BMPR2: variants seen among roughly 807,000 people sequenced by gnomAD.
BMPR2 encodes bone morphogenetic protein receptor type 2.
Under a neutral mutation model 100.8 loss-of-function variants are expected in BMPR2, and 29 were observed. That is an observed-to-expected ratio of 0.29 (90% CI 0.21 to 0.39). The LOEUF (loss-of-function observed/expected upper bound fraction) is 0.39. Among genes scored for constraint, BMPR2 ranks in the 10% least tolerant of loss-of-function variants. The pLI, the probability that BMPR2 is intolerant of heterozygous loss-of-function variation, is 1.00. For missense variants in BMPR2, 1,011 were observed against 1,274.5 expected, an observed-to-expected ratio of 0.79 and a Z score of 3.15; for synonymous variants, 382 against 442.3, an observed-to-expected ratio of 0.86 and a Z score of 1.71.
At chr2:202,432,998 A>T (rs1022188715) in intron 1 of BMPR2, among the ~76,000 whole-genome samples, 2 of 150,298 alleles carry the variant, frequency 1.3e-5, no homozygotes, top group African/African-American at 5.0e-5. Flanking sequence ...TAGTAAGGAT[A>T]TTTAAGAGTG....
At position 202,439,640 on chromosome 2, in the gene BMPR2, A is replaced by G. The variant is rs1217306399; in HGVS notation, c.77-25169A>G. Among the ~76,000 whole-genome samples, 7 of 149,302 alleles carry G rather than the reference A, an allele frequency of 4.7e-5. No homozygotes were observed. In the East Asian group the frequency reaches 7.8e-4, roughly 17 times the overall value. On this transcript the variant is annotated intron_variant, in intron 1 of 12. Coordinates refer to ENST00000374580, the MANE Select transcript of BMPR2 (RefSeq NM_001204.7). ...AGGGGAATCTCCAGTACAAGTTTGG[A>G]TAGGTTTGGGGAAGCCAACATTTTT...
chr2:202,377,663 G>A, intron 1 of BMPR2, 113 bp downstream of exon 1: 2 of 1,296,994 alleles, frequency 1.5e-6, no homozygotes, highest in Admixed American at 3.7e-5. Context: ...CCCCGATCGC[G>A]GTGCAGCGGA....
intron 1 of BMPR2, among the ~76,000 whole-genome samples, chr2:202,453,899 T>C (rs1464757290): frequency 6.6e-6 from 1 of 152,172 alleles, no homozygotes; most frequent in Non-Finnish European, 1.5e-5. Context: ...TGTTAACTCA[T>C]TGCATGTCTG....
chr2:202,452,109 A>G (rs1300862045), intron 1 of BMPR2, among the ~76,000 whole-genome samples: 1 of 151,982 alleles, frequency 6.6e-6, no homozygotes, highest in Admixed American at 6.6e-5. Context: ...ACCATACTCA[A>G]CATACAGTAC....
At position 202,555,333 on chromosome 2, in the gene BMPR2, C is replaced by G; in HGVS notation, c.1668C>G (p.Ile556Met). 1 of 1,614,092 alleles carries G rather than the reference C, an allele frequency of 6.2e-7. No individual in the cohort carries two copies. Among genetic ancestry groups the G allele is most frequent in the Non-Finnish European group, 8.5e-7 (1 of 1,179,956 alleles). ...CCTCCTCATACATTGAAGACTCTAT[C>G]CATCATACTGACAGCATCGTGAAGA... ...YSSSSYIEDS[I>M]HHTDSIVKNI... Residue 556 changes from isoleucine to methionine, a missense_variant, in exon 12 of 13, where the codon ATC becomes ATG. Physicochemically the swap from Ile to Met is conservative, Grantham distance 10. This residue lies in a region of BMPR2 where 508 missense variants were observed against 552.0 expected (regional missense o/e 0.92). Transcript: ENST00000374580.
chr2:202,524,668 G>A (rs1324980462), intron 7 of BMPR2, among the ~76,000 whole-genome samples: 2 of 151,904 alleles, frequency 1.3e-5, no homozygotes, highest in Non-Finnish European at 2.9e-5. Flanking sequence ...GTTTGAGCCC[G>A]GGAGGCGGAG....
Position 202,376,802 on chromosome 2 carries a change from C to T in BMPR2, c.-673C>T, listed in dbSNP as rs535550131. On this transcript the variant is annotated 5_prime_UTR_variant, in exon 1 of 13. Coordinates refer to ENST00000374580, the MANE Select transcript of BMPR2 (RefSeq NM_001204.7). ...TCCCCCGCTCCTACCTCTCCTCAGC[C>T]TTCGCCAGGGCCTCCCCAACCCTCT... 2.5e-6 allele frequency: 1 copy of T among 402,468 alleles called. No homozygotes were observed. Among genetic ancestry groups the T allele is most frequent in the South Asian group, 1.3e-4 (1 of 7,678 alleles). 24.9% of individuals were successfully genotyped at this position (402,468 alleles called of 1,614,324 possible).
chr2:202,552,239 C>G (rs1468855330), intron 10 of BMPR2, among the ~76,000 whole-genome samples: 1 of 152,202 alleles, frequency 6.6e-6, no homozygotes, highest in Non-Finnish European at 1.5e-5. Context: ...ATCTTCCTGC[C>G]TCAGCCTCCC....
chr2:202,504,522 A>G (rs1175637935), intron 3 of BMPR2, among the ~76,000 whole-genome samples: 2 of 152,098 alleles, frequency 1.3e-5, no homozygotes, highest in East Asian at 3.9e-4. Context: ...AACAAACTCC[A>G]GACGCACCAC....
At chr2:202,407,769 A>C (rs1690932097) in intron 1 of BMPR2, among the ~76,000 whole-genome samples, 1 of 151,994 alleles carries the variant, frequency 6.6e-6, no homozygotes, top group African/African-American at 2.4e-5. Context: ...ACAAAAACAA[A>C]AAAAAAACTG....
intron 3 of BMPR2, among the ~76,000 whole-genome samples, chr2:202,478,653 A>G (rs1692595472): frequency 1.3e-5 from 2 of 152,208 alleles, no homozygotes; most frequent in Admixed American, 1.3e-4. Context: ...TCACACCTGT[A>G]ATCCCAGCAT....
rs568136148 is a variant in BMPR2 at position 202,376,545 on chromosome 2, GGCAGCAGCA to G, written c.-927_-919del. On this transcript the variant is annotated 5_prime_UTR_variant, in exon 1 of 13. Transcript: ENST00000374580. ...CGGCGGCGGCGGCGGCGGCGGCGGC[GGCAGCAGCA>G]GCGGCTTCCTCGGGGGGTTGTGATT... Among the ~76,000 whole-genome samples the G allele has an allele frequency of 3.6e-5, 5 of 140,470 alleles. No homozygotes were observed. Among genetic ancestry groups the G allele is most frequent in the African/African-American group, 1.3e-4 (5 of 37,606 alleles). 92.2% of individuals were successfully genotyped at this position (140,470 alleles called of 152,430 possible).
chr2:202,510,302 C>T (rs980236126), intron 3 of BMPR2, among the ~76,000 whole-genome samples: 3 of 152,062 alleles, frequency 2.0e-5, no homozygotes, highest in African/African-American at 7.2e-5. Context: ...CCTGTAATCC[C>T]GCTACTTAGG....
chr2:202,377,367 G>C lies in BMPR2; in HGVS notation c.-108G>C, dbSNP rs981756684. On this transcript the variant is annotated 5_prime_UTR_variant, in exon 1 of 13. Transcript: ENST00000374580. The stretch of plus-strand genomic sequence containing the variant: ...GTCCTTTCAAACTGTATTGTGATAC[G>C]GGCAGGATCAGTCCACGGGAGAGAA... 3 of 1,030,438 alleles carry C rather than the reference G, an allele frequency of 2.9e-6. No homozygotes were observed. In the African/African-American group the frequency reaches 4.7e-5, roughly 16 times the overall value. 63.8% of individuals were successfully genotyped at this position (1,030,438 alleles called of 1,614,324 possible).
intron 3 of BMPR2, among the ~76,000 whole-genome samples, chr2:202,504,618 C>T (rs1272982118): frequency 2.0e-5 from 3 of 151,542 alleles, no homozygotes. Flanking sequence ...TCCGGACACA[C>T]TACCAATAAA....
At chr2:202,464,217 A>G (rs779608727) in intron 1 of BMPR2, among the ~76,000 whole-genome samples, 28 of 151,744 alleles carry the variant, frequency 1.8e-4, no homozygotes, top group Non-Finnish European at 3.5e-4. Flanking sequence ...TTATACCTGA[A>G]GTTCACTCAA....
At chr2:202,469,539 G>A in intron 3 of BMPR2, 1 of 314,786 alleles carries the variant, frequency 3.2e-6, no homozygotes, top group Non-Finnish European at 6.5e-6. Context: ...GAGTACAGTG[G>A]CACGATCCCG....
chr2:202,467,983 G>A (rs1044917039), intron 3 of BMPR2, among the ~76,000 whole-genome samples: 1 of 151,956 alleles, frequency 6.6e-6, no homozygotes, highest in Non-Finnish European at 1.5e-5. Flanking sequence ...GGAGGCAGAG[G>A]TTGCAGTGAG....
At chr2:202,410,094 C>T (rs963871056) in intron 1 of BMPR2, among the ~76,000 whole-genome samples, 4 of 152,074 alleles carry the variant, frequency 2.6e-5, no homozygotes, top group African/African-American at 7.2e-5. Context: ...AAGTGATTCT[C>T]CTGCCTCAGC....
Sources: gnomAD v4.1 joint callset for allele counts (sites outside exome capture counted in the v4.1 genomes callset) on GRCh38, gnomAD v4.1.1 for gene constraint, gnomAD v4.1.1 regional missense constraint, MANE v1.5 for transcripts, NCBI Gene and HGNC (gene_info 2026-07-23, HGNC 2026-07-21) for gene names.